NRXN3: variants seen among roughly 807,000 people sequenced by gnomAD.
NRXN3 encodes the protein neurexin 3.
NRXN3 carries 32 observed loss-of-function variants against 137.6 expected under a neutral mutation model. The ratio of observed to expected loss-of-function variants is 0.23; its 90% CI spans 0.18 to 0.31. The LOEUF is 0.31. NRXN3 is among the 10% of genes least tolerant of loss of function. NRXN3 has a pLI of 1.00. For synonymous variants in NRXN3, 798 were observed against 784.5 expected (o/e 1.02, Z -0.29); for missense variants, 1,574 against 2,062.5 (o/e 0.76, Z 4.59).
intron 16 of NRXN3, among the ~76,000 whole-genome samples, chr14:79,649,391 G>C (rs1039542376): frequency 6.6e-6 from 1 of 151,984 alleles, no homozygotes; most frequent in Non-Finnish European, 1.5e-5. Flanking sequence ...GAGTCCACCA[G>C]GCACGTTTGG....
intron 1 of NRXN3, among the ~76,000 whole-genome samples, chr14:78,206,514 A>G (rs1364186881): frequency 6.6e-6 from 1 of 152,134 alleles, no homozygotes; most frequent in Non-Finnish European, 1.5e-5. Context: ...CTCTCTCTGT[A>G]AATAAAGAGG....
chr14:78,801,367 G>A (rs1026288698), intron 8 of NRXN3, among the ~76,000 whole-genome samples: 2 of 152,304 alleles, frequency 1.3e-5, no homozygotes, highest in Admixed American at 1.3e-4. Context: ...ATAAAGGAAA[G>A]AAGTTTAATT....
chr14:79,191,765 A>C (rs1046073773), intron 15 of NRXN3, among the ~76,000 whole-genome samples: 5 of 152,170 alleles, frequency 3.3e-5, no homozygotes, highest in Non-Finnish European at 5.9e-5. Flanking sequence ...AGGTGATTAA[A>C]ATATGGATTT....
At chr14:78,623,227 A>G (rs2097423003) in intron 4 of NRXN3, among the ~76,000 whole-genome samples, 1 of 152,214 alleles carries the variant, frequency 6.6e-6, no homozygotes, top group African/African-American at 2.4e-5. Flanking sequence ...TACAGAACTC[A>G]GATTTCATGA....
chr14:78,817,781 G>T (rs774609783), intron 10 of NRXN3, among the ~76,000 whole-genome samples: 10 of 151,988 alleles, frequency 6.6e-5, no homozygotes, highest in Non-Finnish European at 1.5e-4. Context: ...CCTGCCTGAG[G>T]GCATTAATCT....
chr14:78,210,817 C>G (rs763021725), intron 1 of NRXN3, among the ~76,000 whole-genome samples: 3 of 152,088 alleles, frequency 2.0e-5, no homozygotes, highest in Non-Finnish European at 4.4e-5. Context: ...ATGTTGCAAG[C>G]AGCCGTGGTA....
chr14:79,464,927 C>T (rs2096402161), intron 15 of NRXN3, among the ~76,000 whole-genome samples: 2 of 152,108 alleles, frequency 1.3e-5, no homozygotes, highest in African/African-American at 4.8e-5. Context: ...TGTAAAGCAG[C>T]ATGTATATGC....
chr14:79,560,913 G>A (rs917019686), intron 16 of NRXN3, among the ~76,000 whole-genome samples: 1 of 152,112 alleles, frequency 6.6e-6, no homozygotes, highest in Non-Finnish European at 1.5e-5. Context: ...GCCCTGTGTT[G>A]TCAAGCTGCT....
chr14:79,483,753 C>A (rs1024554968), intron 16 of NRXN3, among the ~76,000 whole-genome samples: 2 of 152,026 alleles, frequency 1.3e-5, no homozygotes, highest in Non-Finnish European at 2.9e-5. Context: ...GTTCATTTCA[C>A]ACAGTGGGAA....
chr14:78,716,756 A>G (rs532051464), intron 8 of NRXN3, among the ~76,000 whole-genome samples: 3 of 152,228 alleles, frequency 2.0e-5, no homozygotes, highest in Non-Finnish European at 4.4e-5. Flanking sequence ...GAGAACTACA[A>G]ACCCTTTTTA....
intron 15 of NRXN3, among the ~76,000 whole-genome samples, chr14:78,988,771 ATG>A (rs72539794): frequency 1.3e-4 from 20 of 149,210 alleles, no homozygotes; most frequent in Non-Finnish European, 2.5e-4. Flanking sequence ...GTGTATATAT[ATG>A]TGTGTGTGTG....
chr14:78,949,272 C>T (rs1453004230), intron 10 of NRXN3, among the ~76,000 whole-genome samples: 2 of 152,116 alleles, frequency 1.3e-5, no homozygotes, highest in African/African-American at 2.4e-5. Context: ...AATTTACTCT[C>T]CTTTAATTTA....
At chr14:78,939,566 A>C (rs2099349028) in intron 10 of NRXN3, among the ~76,000 whole-genome samples, 1 of 152,212 alleles carries the variant, frequency 6.6e-6, no homozygotes, top group Admixed American at 6.5e-5. Flanking sequence ...TCCTGGGGAG[A>C]CACAAGGGCA....
At chr14:78,345,382 C>A (rs932843315) in intron 4 of NRXN3, among the ~76,000 whole-genome samples, 2 of 152,162 alleles carry the variant, frequency 1.3e-5, no homozygotes, top group Non-Finnish European at 2.9e-5. Context: ...AGGAGGAAGT[C>A]CTACCAGGGA....
At chr14:79,002,778 T>G (rs182588504) in intron 15 of NRXN3, among the ~76,000 whole-genome samples, 69 of 152,284 alleles carry the variant, frequency 4.5e-4, no homozygotes, top group African/African-American at 1.4e-3. Context: ...GTTCTAGATC[T>G]TTGAGGAATT....
chr14:79,005,868 G>A lies in NRXN3; in HGVS notation c.3262+17727G>A, dbSNP rs375076644. On this transcript the variant is annotated intron_variant, in intron 15 of 20. Transcript: ENST00000335750. ...GTCGGTCCTCAAAAAAAACGAGTGG[G>A]TTTCTTACTCTCTTTCCTTTCTTTC... Among the ~76,000 whole-genome samples the A allele has an allele frequency of 1.4e-4, 22 of 152,160 alleles. 1 individual carries two copies. The highest frequency in any genetic ancestry group is 2.7e-4 in the African/African-American group (11 of 41,508).
At chr14:78,730,620 G>C (rs2098510600) in intron 8 of NRXN3, among the ~76,000 whole-genome samples, 1 of 152,208 alleles carries the variant, frequency 6.6e-6, no homozygotes, top group East Asian at 1.9e-4. Context: ...CAGCTACCTA[G>C]ATAAGTGGTA....
rs566512544 is a variant in NRXN3 at position 78,312,996 on chromosome 14, G to A, written c.757+15136G>A. 9.2e-5 allele frequency among the ~76,000 whole-genome samples: 14 copies of A among 152,262 alleles called. No homozygotes were observed. In the South Asian group the frequency reaches 2.5e-3, roughly 27 times the overall value. On this transcript the variant is annotated intron_variant, in intron 4 of 20. Transcript: ENST00000335750. ...GTGATTTAGTTCTATTATCCTGTGC[G>A]CTGCATCTCTGTTTTTTATAGTGAA...
chr14:79,257,897 T>C (rs1184941155), intron 15 of NRXN3, among the ~76,000 whole-genome samples: 1 of 151,858 alleles, frequency 6.6e-6, no homozygotes, highest in African/African-American at 2.4e-5. Flanking sequence ...ATAAGGAAAA[T>C]GATTCTTATT....
Sources: allele counts gnomAD v4.1 joint callset (sites outside exome capture counted in the v4.1 genomes callset), GRCh38; gene constraint gnomAD v4.1.1; transcripts MANE v1.5; gene names NCBI Gene and HGNC (gene_info 2026-07-23, HGNC 2026-07-21).